The following DLGAP1 variants were observed in gnomAD, a reference collection of about 807,000 sequenced individuals.
DLGAP1 encodes DLG associated protein 1, also known as disks large-associated protein 1.
In DLGAP1, 11 loss-of-function variants were observed where a neutral mutation model predicts 90.8. That is an observed-to-expected ratio of 0.12 (90% confidence interval 0.08 to 0.20). DLGAP1 has a LOEUF of 0.20. Ranked by LOEUF, DLGAP1 falls within the 10% of genes least tolerant of loss-of-function variation. DLGAP1 has a pLI of 1.00. For missense variants in DLGAP1, 1,050 were observed against 1,333.8 expected, an observed-to-expected ratio of 0.79 and a Z score of 3.31; for synonymous variants, 558 against 540.7, an observed-to-expected ratio of 1.03 and a Z score of -0.44.
chr18:3,770,372 G>A (rs1260865370), intron 5 of DLGAP1, among the ~76,000 whole-genome samples: 1 of 152,112 alleles, frequency 6.6e-6, no homozygotes, highest in African/African-American at 2.4e-5. Flanking sequence ...CCAGACACAT[G>A]TCCTGAATAT....
At position 3,713,836 on chromosome 18, in the gene DLGAP1, C is replaced by T. The variant is rs79888530; in HGVS notation, c.1591+15299G>A. Among the ~76,000 whole-genome samples, 13 of 152,252 alleles carry T rather than the reference C, an allele frequency of 8.5e-5. No individual in the cohort carries two copies. In the East Asian group the frequency reaches 2.5e-3, roughly 29 times the overall value. ...CACGGTGGGACTGCTGTGCAGAGTACTCACATTTGAACATATGGGAAATCC... is the reference window on the plus strand; with the variant it reads ...CACGGTGGGACTGCTGTGCAGAGTATTCACATTTGAACATATGGGAAATCC... On this transcript the variant is annotated intron_variant, in intron 7 of 12. Coordinates refer to ENST00000315677, the MANE Select transcript of DLGAP1 (RefSeq NM_004746.4).
At chr18:4,320,224 C>T (rs373280887) in intron 1 of DLGAP1, among the ~76,000 whole-genome samples, 6 of 152,252 alleles carry the variant, frequency 3.9e-5, no homozygotes, top group African/African-American at 1.4e-4. Context: ...TTCACAGCTG[C>T]TTGCGTCATT....
At chr18:4,213,245 G>A (rs997662959) in intron 1 of DLGAP1, among the ~76,000 whole-genome samples, 1 of 152,302 alleles carries the variant, frequency 6.6e-6, no homozygotes, top group Middle Eastern at 3.4e-3. Flanking sequence ...AACCATTGAA[G>A]GGTTTGGAGG....
At chr18:3,606,202 C>CT (rs1204447920) in intron 7 of DLGAP1, among the ~76,000 whole-genome samples, 1 of 152,198 alleles carries the variant, frequency 6.6e-6, no homozygotes, top group Admixed American at 6.5e-5. Context: ...TAATGTCTGT[C>CT]TCATTCCTGA....
At chr18:4,120,606 AAAT>A (rs1478142374) in intron 2 of DLGAP1, among the ~76,000 whole-genome samples, 1 of 152,160 alleles carries the variant, frequency 6.6e-6, no homozygotes, top group Non-Finnish European at 1.5e-5. Flanking sequence ...GAACAGATCA[AAAT>A]ATGGCAGAGT....
intron 1 of DLGAP1, among the ~76,000 whole-genome samples, chr18:4,215,822 A>G (rs986660524): frequency 6.6e-6 from 1 of 152,048 alleles, no homozygotes; most frequent in Non-Finnish European, 1.5e-5. Context: ...TCTCCTCCTG[A>G]TGTTGGTGGT....
At chr18:3,569,903 A>G (rs913632869) in intron 8 of DLGAP1, among the ~76,000 whole-genome samples, 4 of 152,074 alleles carry the variant, frequency 2.6e-5, no homozygotes, top group African/African-American at 9.6e-5. Context: ...AATAGTGATC[A>G]TAAGATTATA....
chr18:3,786,903 G>A (rs952505577), intron 5 of DLGAP1, among the ~76,000 whole-genome samples: 37 of 152,132 alleles, frequency 2.4e-4, no homozygotes, highest in African/African-American at 8.7e-4. Context: ...GAAAATGAAT[G>A]TGCTTCAATG....
chr18:4,373,257 G>T (rs1356235302), intron 1 of DLGAP1, among the ~76,000 whole-genome samples: 1 of 152,126 alleles, frequency 6.6e-6, no homozygotes, highest in African/African-American at 2.4e-5. Flanking sequence ...AAGTCATGAA[G>T]TCCTGAGTAA....
At chr18:3,884,574 C>T (rs1234202089) in intron 3 of DLGAP1, among the ~76,000 whole-genome samples, 2 of 152,142 alleles carry the variant, frequency 1.3e-5, no homozygotes, top group Admixed American at 6.5e-5. Flanking sequence ...ACATTCCATG[C>T]AAGATGACGT....
Position 3,508,650 on chromosome 18 carries a change from T to G in DLGAP1, c.2491A>C (p.Ile831Leu). ...NNLPEDILGK[I>L]RTAVGSAQLL... ...TGGGCACTGCCCACTGCGGTTCGGA[T>G]TTTTCCTAGAACTGGAAAGAGCAAA... Residue 831 changes from isoleucine (I) to leucine (L), a missense_variant, in exon 11 of 13, where the codon ATC becomes CTC. Ile to Leu is a conservative substitution (Grantham distance 5, BLOSUM62 2). Transcript: ENST00000315677. 1 of 1,613,676 alleles carries G rather than the reference T, an allele frequency of 6.2e-7. No individual in the cohort carries two copies. Among genetic ancestry groups the G allele is most frequent in the East Asian group, 2.2e-5 (1 of 44,862 alleles).
chr18:4,037,188 A>C (rs2074902625), intron 2 of DLGAP1, among the ~76,000 whole-genome samples: 1 of 152,212 alleles, frequency 6.6e-6, no homozygotes, highest in Non-Finnish European at 1.5e-5. Flanking sequence ...TCAATGCATA[A>C]GAAGGATAAA....
In DLGAP1 at chr18:4,036,339, G is replaced by C. The variant is rs564507906; in HGVS notation, c.-158-31138C>G. ...AATGCAGTACTTAGGAAGAATCTTG[G>C]AGAGCATTTAATTAAAACTCTTACA... On this transcript the variant is annotated intron_variant, in intron 2 of 12. Coordinates refer to ENST00000315677, the MANE Select transcript of DLGAP1 (RefSeq NM_004746.4). 2.0e-5 allele frequency among the ~76,000 whole-genome samples: 3 copies of C among 152,264 alleles called. No homozygotes were observed. In the South Asian group the frequency reaches 6.2e-4, roughly 32 times the overall value.
At chr18:4,013,400 C>T (rs1311053562) in intron 2 of DLGAP1, among the ~76,000 whole-genome samples, 1 of 152,214 alleles carries the variant, frequency 6.6e-6, no homozygotes, top group Admixed American at 6.5e-5. Flanking sequence ...AGTGAAGGAG[C>T]TGGACCCAAA....
At chr18:3,956,380 C>T (rs1043706848) in intron 3 of DLGAP1, among the ~76,000 whole-genome samples, 6 of 152,076 alleles carry the variant, frequency 3.9e-5, no homozygotes, top group South Asian at 2.1e-4. Context: ...GACGGAGTCT[C>T]GCTCTGTCGC....
chr18:3,687,692 T>C (rs1429373287), intron 7 of DLGAP1, among the ~76,000 whole-genome samples: 1 of 152,068 alleles, frequency 6.6e-6, no homozygotes, highest in South Asian at 2.1e-4. Flanking sequence ...AAACAATAAC[T>C]TGCAAAAGTG....
At chr18:3,685,110 C>T (rs965309252) in intron 7 of DLGAP1, among the ~76,000 whole-genome samples, 7 of 152,170 alleles carry the variant, frequency 4.6e-5, no homozygotes, top group African/African-American at 1.4e-4. Flanking sequence ...GCATATCTTC[C>T]ATGCTTCTTG....
At position 4,383,507 on chromosome 18, in the gene DLGAP1, T is replaced by A. The variant is rs779428475; in HGVS notation, c.-267+71499A>T. Among the ~76,000 whole-genome samples the A allele has an allele frequency of 7.2e-5, 11 of 152,034 alleles. No homozygotes were observed. The highest frequency in any genetic ancestry group is 1.6e-4 in the Non-Finnish European group (11 of 67,958). On this transcript the variant is annotated intron_variant, in intron 1 of 12. Transcript: ENST00000315677. This position sits in a 1 kb window ranked among gnomAD's most constrained non-coding sequence, Gnocchi z 4.0. ...CTAGAAACAGCATTAGACAGGGAGA[T>A]AAGAGACCTGGGTTTTAAACCTATC... is the stretch of plus-strand genomic sequence containing the variant.
At chr18:3,901,602 T>C (rs2071785148) in intron 3 of DLGAP1, among the ~76,000 whole-genome samples, 1 of 152,126 alleles carries the variant, frequency 6.6e-6, no homozygotes, top group African/African-American at 2.4e-5. Context: ...GAGAAGGATC[T>C]GACACCTGAC....
Sources: allele counts gnomAD v4.1 joint callset (sites outside exome capture counted in the v4.1 genomes callset), GRCh38; gene constraint gnomAD v4.1.1; non-coding constraint Gnocchi (gnomAD v3.1); transcripts MANE v1.5; gene names NCBI Gene and HGNC (gene_info 2026-07-23, HGNC 2026-07-21).